ADAMTS6: variants seen among roughly 807,000 people sequenced by gnomAD.
The protein encoded by ADAMTS6 is ADAM metallopeptidase with thrombospondin type 1 motif 6.
A neutral mutation model predicts 144.3 loss-of-function variants in ADAMTS6; 23 were observed. That is an observed-to-expected ratio of 0.16 (90% CI 0.11 to 0.23). ADAMTS6 has a LOEUF of 0.23. Ranked by LOEUF, ADAMTS6 falls within the 10% of genes least tolerant of loss-of-function variation. The pLI is 1.00. For synonymous variants in ADAMTS6, 444 were observed against 457.5 expected (o/e 0.97, Z 0.38); for missense variants, 999 against 1,379.6 (o/e 0.72, Z 4.37).
intron 8 of ADAMTS6, among the ~76,000 whole-genome samples, chr5:65,330,362 T>C (rs1413888445): frequency 6.6e-6 from 1 of 152,108 alleles, no homozygotes; most frequent in East Asian, 1.9e-4. Flanking sequence ...TCATCTCTTA[T>C]AAGGAAACAG....
At chr5:65,338,603 G>A (rs1342479814) in intron 7 of ADAMTS6, among the ~76,000 whole-genome samples, 1 of 152,118 alleles carries the variant, frequency 6.6e-6, no homozygotes, top group South Asian at 2.1e-4. Flanking sequence ...TCCCAAGCCT[G>A]AGAAGCAGCC....
At chr5:65,202,702 G>A (rs1755813330) in intron 20 of ADAMTS6, among the ~76,000 whole-genome samples, 1 of 152,144 alleles carries the variant, frequency 6.6e-6, no homozygotes, top group Non-Finnish European at 1.5e-5. Flanking sequence ...CTGATCTGAA[G>A]AACTCTTTTC....
chr5:65,294,871 A>T (rs1467385710), intron 10 of ADAMTS6, among the ~76,000 whole-genome samples: 1 of 151,532 alleles, frequency 6.6e-6, no homozygotes, highest in Non-Finnish European at 1.5e-5. Flanking sequence ...CTAACTTTTT[A>T]TAATAATAAT....
At chr5:65,404,775 T>C (rs1012752431) in intron 7 of ADAMTS6, among the ~76,000 whole-genome samples, 1 of 152,194 alleles carries the variant, frequency 6.6e-6, no homozygotes, top group Non-Finnish European at 1.5e-5. Context: ...GTGTAAAGTG[T>C]TCCTATTTCT....
chr5:65,345,527 A>T (rs1394116249), intron 7 of ADAMTS6, among the ~76,000 whole-genome samples: 1 of 151,784 alleles, frequency 6.6e-6, no homozygotes, highest in African/African-American at 2.4e-5. Context: ...TTTTTCAACA[A>T]ATACCAGAGC....
chr5:65,309,361 G>T (rs186919468), intron 9 of ADAMTS6, among the ~76,000 whole-genome samples: 1 of 149,686 alleles, frequency 6.7e-6, no homozygotes, highest in Non-Finnish European at 1.5e-5. Flanking sequence ...AAGAACCCTC[G>T]CATAAGAAGT....
At chr5:65,262,751 A>G (rs959923122) in intron 13 of ADAMTS6, 66 bp downstream of exon 13, 2 of 1,437,238 alleles carry the variant, frequency 1.4e-6, no homozygotes, top group Non-Finnish European at 1.8e-6. Flanking sequence ...TAACATGTGA[A>G]ACCACAGCTT....
chr5:65,431,876 T>C (rs80293414), intron 7 of ADAMTS6, among the ~76,000 whole-genome samples: 273 of 152,172 alleles, frequency 1.8e-3, no homozygotes, highest in Non-Finnish European at 3.3e-3. Context: ...GAGATGTATA[T>C]TTGGATATAG....
chr5:65,268,242 T>G (rs188739733), intron 12 of ADAMTS6, among the ~76,000 whole-genome samples: 1 of 152,176 alleles, frequency 6.6e-6, no homozygotes, highest in Admixed American at 6.5e-5. Flanking sequence ...TCTAATTGGG[T>G]CTTGTAGAGT....
intron 12 of ADAMTS6, among the ~76,000 whole-genome samples, chr5:65,272,107 G>T (rs566490217): frequency 6.6e-6 from 1 of 152,188 alleles, no homozygotes; most frequent in African/African-American, 2.4e-5. Context: ...AACTGTGACA[G>T]CTGCCCAAAA....
In ADAMTS6 at chr5:65,321,297, T is replaced by C. The variant is rs148553461; in HGVS notation, c.1223+8081A>G. On this transcript the variant is annotated intron_variant, in intron 9 of 24. Coordinates refer to ENST00000381055, the MANE Select transcript of ADAMTS6 (RefSeq NM_197941.4). ...GTTTTGATTTGGATTTCTCTAATTATCAGTGATGTTGAGCTTTTTTTTCAT... is the reference window on the plus strand; with the variant it reads ...GTTTTGATTTGGATTTCTCTAATTACCAGTGATGTTGAGCTTTTTTTTCAT... 6.3e-3 allele frequency among the ~76,000 whole-genome samples: 963 copies of C among 152,324 alleles called. 12 individuals are homozygous for C. The highest frequency in any genetic ancestry group is 0.022 in the African/African-American group (914 of 41,576).
intron 14 of ADAMTS6, chr5:65,251,017 A>G (rs1760112691): frequency 6.6e-6 from 1 of 152,236 alleles, no homozygotes. Context: ...AACATTCTGC[A>G]TGATAGTTTT....
Position 65,172,942 on chromosome 5 carries a change from T to C in ADAMTS6, c.2977A>G (p.Lys993Glu). 6.2e-7 allele frequency: 1 copy of C among 1,614,218 alleles called. No individual in the cohort carries two copies. Among genetic ancestry groups the C allele is most frequent in the Non-Finnish European group, 8.5e-7 (1 of 1,180,040 alleles). Residue 993 changes from lysine to glutamate, a missense_variant, in exon 23 of 25, where the codon AAG (lysine) becomes GAG (glutamate). Around this residue, in one of 3 missense-constraint regions of ADAMTS6, gnomAD observed 619 missense variants for 837.0 expected, o/e 0.74. Transcript: ENST00000381055. ...GGACATTGTGCAGCTGGGAATGTCT[T>C]AGAAAGGTCACTGCTCTTGCACAGA... ...IVLCKSSDLS[K>E]TFPAAQCPEE...
intron 22 of ADAMTS6, among the ~76,000 whole-genome samples, chr5:65,177,202 C>A (rs944519270): frequency 1.3e-5 from 2 of 152,156 alleles, no homozygotes; most frequent in African/African-American, 4.8e-5. Flanking sequence ...GTCAAAGCGC[C>A]CCCACCTCCA....
At chr5:65,209,534 A>G (rs1756349908) in intron 20 of ADAMTS6, among the ~76,000 whole-genome samples, 2 of 152,222 alleles carry the variant, frequency 1.3e-5, no homozygotes, top group South Asian at 2.1e-4. Context: ...CTTGGACTGA[A>G]TCACCAATGT....
chr5:65,302,102 AAAAAAAT>A lies in ADAMTS6; in HGVS notation c.1224-1978_1224-1972del, dbSNP rs1361185237. 2.3e-3 allele frequency among the ~76,000 whole-genome samples: 216 copies of A among 94,030 alleles called. 6 individuals are homozygous for A. The highest frequency in any genetic ancestry group is 3.3e-3 in the Non-Finnish European group (158 of 48,366). 61.7% of individuals were successfully genotyped at this position (94,030 alleles called of 152,430 possible). A position where few individuals can be genotyped will look rare whatever the true frequency, so the allele number is the denominator to read the frequency against. ...GCAAGGCTCTGTCTCCAAAAAAAAAAAAAAAATATATATATATATATATATATGCACA... is the reference window on the plus strand; with the variant it reads ...GCAAGGCTCTGTCTCCAAAAAAAAAAATATATATATATATATATATGCACA... On this transcript the variant is annotated intron_variant, in intron 9 of 24. Coordinates refer to ENST00000381055, the MANE Select transcript of ADAMTS6 (RefSeq NM_197941.4).
At chr5:65,329,354 T>C (rs1253738772) in intron 9 of ADAMTS6, 24 bp downstream of exon 9, 1 of 1,606,728 alleles carries the variant, frequency 6.2e-7, no homozygotes, top group Non-Finnish European at 8.5e-7. Flanking sequence ...TAAAATTTAT[T>C]TTGATTTTCT....
intron 20 of ADAMTS6, among the ~76,000 whole-genome samples, chr5:65,201,823 C>T (rs1755758731): frequency 6.6e-6 from 1 of 152,152 alleles, no homozygotes. Flanking sequence ...GCTAAGGCAA[C>T]AATTTGCTTA....
At chr5:65,261,231 G>A (rs1481030851) in intron 13 of ADAMTS6, among the ~76,000 whole-genome samples, 1 of 151,986 alleles carries the variant, frequency 6.6e-6, no homozygotes, top group East Asian at 1.9e-4. Flanking sequence ...AAATCAGATG[G>A]CTTTGCATTA....
Sources: allele counts gnomAD v4.1 joint callset (sites outside exome capture counted in the v4.1 genomes callset), GRCh38; gene constraint gnomAD v4.1.1; regional missense constraint gnomAD v4.1.1; transcripts MANE v1.5; gene names NCBI Gene and HGNC (gene_info 2026-07-23, HGNC 2026-07-21).